The following GPR155 variants were observed in gnomAD, a reference collection of about 807,000 sequenced individuals.
GPR155 encodes the protein lysosomal cholesterol signaling protein.
In GPR155, 65 loss-of-function variants were observed where a neutral mutation model predicts 93.1. The ratio of observed to expected loss-of-function variants is 0.70; its 90% CI spans 0.57 to 0.86. The LOEUF is 0.86. Ranked by LOEUF, GPR155 falls within the 40% of genes least tolerant of loss-of-function variation. GPR155 has a pLI of 0.00. For synonymous variants in GPR155, 319 were observed against 360.1 expected (o/e 0.89, Z 1.29); for missense variants, 838 against 1,034.8 (o/e 0.81, Z 2.61).
intron 2 of GPR155, among the ~76,000 whole-genome samples, chr2:174,479,801 C>T (rs748808931): frequency 5.3e-5 from 8 of 152,198 alleles, no homozygotes; most frequent in Admixed American, 3.3e-4. Context: ...AACATGTTAA[C>T]TCCTTGCTGT....
At chr2:174,460,360 C>T (rs985740540) in intron 9 of GPR155, among the ~76,000 whole-genome samples, 3 of 151,914 alleles carry the variant, frequency 2.0e-5, no homozygotes, top group Admixed American at 2.0e-4. Flanking sequence ...GACAGGGTTT[C>T]ACCGTGTTAG....
intron 2 of GPR155, among the ~76,000 whole-genome samples, chr2:174,474,250 G>T (rs1339617353): frequency 3.9e-5 from 6 of 152,196 alleles, no homozygotes; most frequent in Admixed American, 3.9e-4. Context: ...TCTAGCAATG[G>T]TCCACAGTAG....
At position 174,432,635 on chromosome 2, in the gene GPR155, C is replaced by T. The variant is rs756800752; in HGVS notation, c.*3481G>A. 6.6e-6 allele frequency: 1 copy of T among 152,148 alleles called. No individual in the cohort carries two copies. The highest frequency in any genetic ancestry group is 6.5e-5 in the Admixed American group (1 of 15,272). 9.4% of individuals were successfully genotyped at this position (152,148 alleles called of 1,614,324 possible). ...ATGGTCTTATTAAAAAAGGAAAGTT[C>T]CGCAGCAAGACAATTCAGCTTAAAA... On this transcript the variant is annotated 3_prime_UTR_variant, in exon 16 of 16. Coordinates refer to ENST00000392552, the MANE Select transcript of GPR155 (RefSeq NM_152529.7).
chr2:174,439,724 A>G (rs894056515), intron 15 of GPR155, among the ~76,000 whole-genome samples, 174 bp downstream of exon 15: 2 of 152,214 alleles, frequency 1.3e-5, no homozygotes, highest in Admixed American at 6.5e-5. Context: ...GTTCTTTTAT[A>G]TGCCATTTCT....
At position 174,436,070 on chromosome 2, in the gene GPR155, T is replaced by C. The variant is rs762784066; in HGVS notation, c.*46A>G. Reference sequence around the variant, plus strand: ...GGTCACCCAGCTAAAAACTAATGAATACGCGGCTAGAATATGATTCCATGT... The same window carrying C: ...GGTCACCCAGCTAAAAACTAATGAACACGCGGCTAGAATATGATTCCATGT... On this transcript the variant is annotated 3_prime_UTR_variant, in exon 16 of 16. Transcript: ENST00000392552. 3 of 1,514,374 alleles carry C rather than the reference T, an allele frequency of 2.0e-6. No homozygotes were observed. The East Asian group carries it at 6.8e-5, about 34-fold the overall frequency. 93.8% of individuals were successfully genotyped at this position (1,514,374 alleles called of 1,614,324 possible).
Position 174,484,967 on chromosome 2 carries a change from T to G in GPR155, c.-32+1906A>C, listed in dbSNP as rs532968247. On this transcript the variant is annotated intron_variant, in intron 1 of 15. Transcript: ENST00000392552. ...GTGGATAGAATATTTTATATACAGC[T>G]TATCACAGAGTAGGCCTTCAAAAAA... is the stretch of plus-strand genomic sequence containing the variant. 5.6e-4 allele frequency among the ~76,000 whole-genome samples: 85 copies of G among 152,310 alleles called. 1 individual carries two copies. Among genetic ancestry groups the G allele is most frequent in the African/African-American group, 1.9e-3 (80 of 41,560 alleles).
At chr2:174,478,120 C>A (rs1367347905) in intron 2 of GPR155, among the ~76,000 whole-genome samples, 1 of 152,212 alleles carries the variant, frequency 6.6e-6, no homozygotes, top group Non-Finnish European at 1.5e-5. Flanking sequence ...GGCAGGGAAC[C>A]ATTCTGATAT....
At chr2:174,454,515 G>A (rs1003196245) in intron 10 of GPR155, among the ~76,000 whole-genome samples, 2 of 152,030 alleles carry the variant, frequency 1.3e-5, no homozygotes, top group Admixed American at 6.6e-5. Flanking sequence ...AAATAGCTGG[G>A]CATGCTGGCA....
chr2:174,466,617 A>T lies in GPR155; in HGVS notation c.1193T>A (p.Leu398Gln), dbSNP rs753308639. Reference sequence around the variant, plus strand: ...TTTCTTACTCAAAAGAAGAATAGCCAGAGACCAGATCTTGAAGACAAAAGG... The same window carrying T: ...TTTCTTACTCAAAAGAAGAATAGCCTGAGACCAGATCTTGAAGACAAAAGG... Reference protein sequence around the residue: ...IVSLISLIWSLAILLLSKKYK... With the variant: ...IVSLISLIWSQAILLLSKKYK... Residue 398 changes from leucine to glutamine, a missense_variant, in exon 6 of 16, where the codon CTG becomes CAG. Leu to Gln is a moderately radical substitution (Grantham distance 113, BLOSUM62 -2). This residue lies in a region of GPR155 where 663 missense variants were observed against 790.1 expected (regional missense o/e 0.84). Transcript: ENST00000392552. The T allele has an allele frequency of 6.4e-7, 1 of 1,574,128 alleles. No individual in the cohort carries two copies. The highest frequency in any genetic ancestry group is 1.1e-5 in the South Asian group (1 of 88,316).
At chr2:174,475,282 G>A (rs1320689244) in intron 2 of GPR155, among the ~76,000 whole-genome samples, 3 of 106,086 alleles carry the variant, frequency 2.8e-5, no homozygotes, top group South Asian at 3.3e-4. Context: ...GCGACAGAGC[G>A]AGACTCCGTC....
chr2:174,483,128 A>C (rs962219586), intron 1 of GPR155: 4 of 152,182 alleles, frequency 2.6e-5, no homozygotes, highest in South Asian at 2.1e-4. Flanking sequence ...GTTTTTGCTC[A>C]ATGTTGTGTC....
At chr2:174,483,220 T>TAAAG (rs67892013) in intron 1 of GPR155, 1 of 22,114 alleles carries the variant, frequency 4.5e-5, no homozygotes, top group African/African-American at 9.5e-5. Context: ...TACTTATACT[T>TAAAG]AAACCTTTTA....
At chr2:174,469,111 A>G in intron 4 of GPR155, 44 bp from the exon 5 acceptor site, 2 of 1,574,504 alleles carry the variant, frequency 1.3e-6, no homozygotes, top group Non-Finnish European at 1.7e-6. Flanking sequence ...TCTCAATTAA[A>G]CAGTATTTTA....
intron 2 of GPR155, among the ~76,000 whole-genome samples, chr2:174,477,562 A>G (rs1243114794): frequency 6.6e-6 from 1 of 152,190 alleles, no homozygotes. Flanking sequence ...AATTACTAGA[A>G]TAGGGTTCAA....
chr2:174,468,498 A>G (rs965807559), intron 5 of GPR155, among the ~76,000 whole-genome samples: 1 of 152,222 alleles, frequency 6.6e-6, no homozygotes, highest in African/African-American at 2.4e-5. Flanking sequence ...ATTCTAGAAC[A>G]GCTAGGAATT....
intron 9 of GPR155, among the ~76,000 whole-genome samples, chr2:174,461,088 T>C (rs577429811): frequency 6.6e-6 from 1 of 152,328 alleles, no homozygotes; most frequent in South Asian, 2.1e-4. Context: ...GAATTTGACC[T>C]TTATTATTAC....
At chr2:174,476,330 G>T (rs1442488363) in intron 2 of GPR155, among the ~76,000 whole-genome samples, 3 of 152,182 alleles carry the variant, frequency 2.0e-5, no homozygotes, top group Non-Finnish European at 2.9e-5. Flanking sequence ...CTTTTACCGG[G>T]CATGGTGGCT....
rs1686715733 is a variant in GPR155, at chr2:174,434,408, G to C, written c.*1708C>G. ...TGATACATCATATGGCAATAATTTT[G>C]TTGATAAAATTCAAATTAATCTACT... On this transcript the variant is annotated 3_prime_UTR_variant, in exon 16 of 16. Transcript: ENST00000392552. The C allele has an allele frequency of 6.6e-6, 1 of 151,232 alleles. No homozygotes were observed. Among genetic ancestry groups the C allele is most frequent in the African/African-American group, 2.4e-5 (1 of 41,114 alleles). 9.4% of individuals were successfully genotyped at this position (151,232 alleles called of 1,614,324 possible).
chr2:174,484,324 G>A (rs1053142700), intron 1 of GPR155, among the ~76,000 whole-genome samples: 1 of 152,312 alleles, frequency 6.6e-6, no homozygotes, highest in Non-Finnish European at 1.5e-5. Context: ...AAACAAAGGC[G>A]TTAAACATTT....
Sources: allele counts gnomAD v4.1 joint callset (sites outside exome capture counted in the v4.1 genomes callset), GRCh38; gene constraint gnomAD v4.1.1; regional missense constraint gnomAD v4.1.1; transcripts MANE v1.5; gene names NCBI Gene and HGNC (gene_info 2026-07-23, HGNC 2026-07-21).